Variants in CACNB2 observed in about 807,000 individuals in gnomAD.
The protein encoded by CACNB2 is calcium voltage-gated channel auxiliary subunit beta 2.
Under a neutral mutation model 73.3 loss-of-function variants are expected in CACNB2, and 42 were observed. The ratio of observed to expected loss-of-function variants is 0.57; its 90% CI spans 0.45 to 0.74. The LOEUF (loss-of-function observed/expected upper bound fraction) is 0.74. Ranked by LOEUF, CACNB2 falls within the 30% of genes least tolerant of loss-of-function variation. The pLI is 0.00. For synonymous variants in CACNB2, 348 were observed against 310.3 expected (o/e 1.12, Z -1.28); for missense variants, 940 against 853.0 (o/e 1.10, Z -1.27).
intron 2 of CACNB2, among the ~76,000 whole-genome samples, chr10:18,233,752 A>G (rs755904897): frequency 6.6e-6 from 1 of 152,220 alleles, no homozygotes; most frequent in Non-Finnish European, 1.5e-5. Flanking sequence ...CTGAGTGTGA[A>G]TAAAGTACTA....
At chr10:18,450,714 CT>C (rs1365070924) in intron 3 of CACNB2, among the ~76,000 whole-genome samples, 14 of 151,464 alleles carry the variant, frequency 9.2e-5, no homozygotes, top group African/African-American at 3.2e-4. Flanking sequence ...TCGCCGCCCC[CT>C]GGGTTCAAGC....
At chr10:18,495,591 G>GTGTGTATA (rs768160446) in intron 3 of CACNB2, among the ~76,000 whole-genome samples, 2 of 138,630 alleles carry the variant, frequency 1.4e-5, no homozygotes, top group Non-Finnish European at 3.1e-5. Flanking sequence ...GTGTGTGTGT[G>GTGTGTATA]TATAAGAGAT....
intron 2 of CACNB2, among the ~76,000 whole-genome samples, chr10:18,198,000 A>C (rs1041095879): frequency 6.8e-6 from 1 of 148,136 alleles, no homozygotes; most frequent in Admixed American, 6.8e-5. Context: ...TATTTTGTAT[A>C]TTATATATTA....
chr10:18,347,969 T>C (rs1004108998), intron 2 of CACNB2, among the ~76,000 whole-genome samples: 1 of 152,054 alleles, frequency 6.6e-6, no homozygotes, highest in Non-Finnish European at 1.5e-5. Context: ...CTGTGAATAA[T>C]TAATGCTGAT....
chr10:18,189,325 T>C (rs945074610), intron 2 of CACNB2, among the ~76,000 whole-genome samples: 3 of 152,172 alleles, frequency 2.0e-5, no homozygotes, highest in Admixed American at 6.5e-5. Context: ...TGATGAGAAA[T>C]TCAAAAATAA....
chr10:18,305,581 T>C (rs892453972), intron 2 of CACNB2, among the ~76,000 whole-genome samples: 1 of 152,234 alleles, frequency 6.6e-6, no homozygotes, highest in Non-Finnish European at 1.5e-5. Flanking sequence ...TAGCCATTTA[T>C]ATCAATTTCA....
At chr10:18,367,142 C>T (rs181881386) in intron 2 of CACNB2, among the ~76,000 whole-genome samples, 266 of 152,192 alleles carry the variant, frequency 1.7e-3, no homozygotes, top group Middle Eastern at 6.8e-3. Context: ...TTAACCATTT[C>T]CAAGTTTGTT....
chr10:18,301,874 C>T (rs1263187960), intron 2 of CACNB2, among the ~76,000 whole-genome samples: 1 of 151,968 alleles, frequency 6.6e-6, no homozygotes, highest in Non-Finnish European at 1.5e-5. Flanking sequence ...GTCTCGATCT[C>T]CTGACCTCGT....
intron 2 of CACNB2, among the ~76,000 whole-genome samples, chr10:18,323,588 G>T (rs914480426): frequency 1.6e-4 from 24 of 152,048 alleles, no homozygotes; most frequent in African/African-American, 5.8e-4. Flanking sequence ...AGATTCACTT[G>T]GATTCCATAT....
intron 2 of CACNB2, among the ~76,000 whole-genome samples, chr10:18,342,644 A>T (rs2041278910): frequency 6.6e-6 from 1 of 152,168 alleles, no homozygotes; most frequent in Non-Finnish European, 1.5e-5. Flanking sequence ...ATGCTTGAAT[A>T]GGGCTTATAA....
chr10:18,353,928 G>T (rs1197745126), intron 2 of CACNB2, among the ~76,000 whole-genome samples: 1 of 152,146 alleles, frequency 6.6e-6, no homozygotes, highest in Non-Finnish European at 1.5e-5. Context: ...ACTAGCCATT[G>T]GGCAAACTCA....
intron 2 of CACNB2, among the ~76,000 whole-genome samples, chr10:18,388,856 C>T (rs2043343725): frequency 6.6e-6 from 1 of 152,128 alleles, no homozygotes; most frequent in African/African-American, 2.4e-5. Context: ...GCAACCTTTA[C>T]TTTGTTCTCT....
chr10:18,417,193 T>C (rs1317000725), intron 3 of CACNB2, among the ~76,000 whole-genome samples: 2 of 37,576 alleles, frequency 5.3e-5, no homozygotes, highest in Non-Finnish European at 9.6e-5. Context: ...ATAAACATCT[T>C]CGTGCAATTT....
At chr10:18,431,741 T>C (rs2045899149) in intron 3 of CACNB2, among the ~76,000 whole-genome samples, 1 of 150,358 alleles carries the variant, frequency 6.7e-6, no homozygotes, top group Admixed American at 6.7e-5. Context: ...AAAGATATCT[T>C]TGTTGACCTC....
intron 3 of CACNB2, among the ~76,000 whole-genome samples, chr10:18,404,299 T>C (rs2044167194): frequency 6.6e-6 from 1 of 152,192 alleles, no homozygotes; most frequent in Non-Finnish European, 1.5e-5. Flanking sequence ...TTGGTAAGTC[T>C]GGTTTATTAA....
intron 2 of CACNB2, among the ~76,000 whole-genome samples, chr10:18,294,799 G>C (rs138161186): frequency 4.4e-4 from 67 of 152,366 alleles, no homozygotes; most frequent in Middle Eastern, 6.8e-3. Flanking sequence ...TCAGTTTCCT[G>C]TGTCTCTTGT....
At chr10:18,456,508 G>A in intron 3 of CACNB2, among the ~76,000 whole-genome samples, 1 of 152,032 alleles carries the variant, frequency 6.6e-6, no homozygotes, top group East Asian at 1.9e-4. Context: ...ATCCTATCAC[G>A]AGAACAGCGC....
chr10:18,260,655 A>G, intron 2 of CACNB2: 2 of 987,764 alleles, frequency 2.0e-6, no homozygotes, highest in Non-Finnish European at 2.4e-6. Flanking sequence ...AGGGAGAAGT[A>G]GCAAATCAGA....
chr10:18,215,609 A>G (rs145212815), intron 2 of CACNB2, among the ~76,000 whole-genome samples: 1 of 152,334 alleles, frequency 6.6e-6, no homozygotes, highest in African/African-American at 2.4e-5. Context: ...AAACTCTTTT[A>G]TGGCTATGCA....
Sources: allele counts gnomAD v4.1 joint callset (sites outside exome capture counted in the v4.1 genomes callset), GRCh38; gene constraint gnomAD v4.1.1; transcripts MANE v1.5; gene names NCBI Gene and HGNC (gene_info 2026-07-23, HGNC 2026-07-21).